Variants in SGPP2 observed in about 807,000 individuals in gnomAD.
The protein encoded by SGPP2 is sphingosine 1-phosphate phosphohydrolase 2.
In SGPP2, 30 loss-of-function variants were observed where a neutral mutation model predicts 33.9. The ratio of observed to expected loss-of-function variants is 0.89; its 90% CI spans 0.66 to 1.20. The LOEUF (loss-of-function observed/expected upper bound fraction) is 1.20. Ranked by LOEUF, SGPP2 falls within the 50% of genes most tolerant of loss-of-function variation. The probability of loss-of-function intolerance (pLI) is 0.00; values close to 1 mark genes in which losing one functional copy is unlikely to be tolerated. For synonymous variants in SGPP2, 233 were observed against 225.0 expected (o/e 1.04, Z -0.32); for missense variants, 458 against 532.1 (o/e 0.86, Z 1.37).
At chr2:222,467,984 A>AAAAAAAAAAAAAAAAAAAAAT (rs1697776166) in intron 1 of SGPP2, among the ~76,000 whole-genome samples, 1 of 139,762 alleles carries the variant, frequency 7.2e-6, no homozygotes, top group Non-Finnish European at 1.5e-5. Context: ...AAAAAAAAAA[A>AAAAAAAAAAAAAAAAAAAAAT]AAAACAGAGG....
intron 2 of SGPP2, among the ~76,000 whole-genome samples, chr2:222,513,044 ACTGC>A (rs944526636): frequency 3.8e-4 from 58 of 152,320 alleles, no homozygotes; most frequent in African/African-American, 1.0e-3. Flanking sequence ...GTTATAAGAA[ACTGC>A]CATACCATCT....
At chr2:222,446,650 T>G (rs1010074974) in intron 1 of SGPP2, among the ~76,000 whole-genome samples, 2 of 152,256 alleles carry the variant, frequency 1.3e-5, no homozygotes, top group African/African-American at 4.8e-5. Flanking sequence ...TTATTCATCA[T>G]GATTTATCTC....
intron 2 of SGPP2, among the ~76,000 whole-genome samples, chr2:222,486,848 T>G (rs1474016933): frequency 6.6e-6 from 1 of 152,232 alleles, no homozygotes; most frequent in African/African-American, 2.4e-5. Context: ...GGCTTTTTTT[T>G]GTCTGTATTA....
chr2:222,541,923 T>C (rs892008394), intron 4 of SGPP2, among the ~76,000 whole-genome samples: 5 of 152,306 alleles, frequency 3.3e-5, no homozygotes, highest in Non-Finnish European at 5.9e-5. Context: ...TTTAAAACTT[T>C]ATAAATTTTT....
chr2:222,425,036 A>G (rs768376395), intron 1 of SGPP2, among the ~76,000 whole-genome samples: 1 of 152,214 alleles, frequency 6.6e-6, no homozygotes, highest in Non-Finnish European at 1.5e-5. Flanking sequence ...GTCTATTGAG[A>G]TATCCCCAGA....
At chr2:222,480,017 G>A (rs376655780) in intron 2 of SGPP2, among the ~76,000 whole-genome samples, 1 of 152,108 alleles carries the variant, frequency 6.6e-6, no homozygotes, top group African/African-American at 2.4e-5. Context: ...GACAGCAAAT[G>A]GATTTTCTGA....
intron 1 of SGPP2, chr2:222,452,541 G>T: frequency 9.4e-7 from 1 of 1,065,668 alleles, no homozygotes; most frequent in Non-Finnish European, 1.5e-6. Flanking sequence ...AGGAGAATTT[G>T]GCTGGAACTA....
intron 1 of SGPP2, among the ~76,000 whole-genome samples, chr2:222,472,795 A>T (rs1424705363): frequency 1.3e-5 from 2 of 152,218 alleles, no homozygotes; most frequent in African/African-American, 4.8e-5. Flanking sequence ...CAGGCAGATT[A>T]CCTGAAGTCA....
chr2:222,505,019 C>G (rs960109372), intron 2 of SGPP2, among the ~76,000 whole-genome samples: 6 of 152,158 alleles, frequency 3.9e-5, no homozygotes, highest in Admixed American at 3.3e-4. Flanking sequence ...CCATTTGGTT[C>G]CTGAATTTCA....
At chr2:222,506,537 CTT>C (rs1559164135) in intron 2 of SGPP2, among the ~76,000 whole-genome samples, 1 of 152,076 alleles carries the variant, frequency 6.6e-6, no homozygotes, top group African/African-American at 2.4e-5. Flanking sequence ...TTCTTAATAA[CTT>C]TTTTAGCTTA....
chr2:222,500,684 A>G (rs968722550), intron 2 of SGPP2, among the ~76,000 whole-genome samples: 1 of 152,172 alleles, frequency 6.6e-6, no homozygotes, highest in Non-Finnish European at 1.5e-5. Context: ...CTCACTGAAA[A>G]CTGGCATTGT....
At chr2:222,520,006 T>A (rs1340569072) in intron 2 of SGPP2, among the ~76,000 whole-genome samples, 1 of 152,220 alleles carries the variant, frequency 6.6e-6, no homozygotes, top group Non-Finnish European at 1.5e-5. Flanking sequence ...GGTAGAATGA[T>A]CTATTTTCCT....
At chr2:222,450,849 A>T (rs1697474964) in intron 1 of SGPP2, among the ~76,000 whole-genome samples, 1 of 152,084 alleles carries the variant, frequency 6.6e-6, no homozygotes, top group East Asian at 1.9e-4. Flanking sequence ...GCATCCTAGA[A>T]CTCGAACTCT....
intron 1 of SGPP2, among the ~76,000 whole-genome samples, chr2:222,444,842 T>C (rs778374119): frequency 1.9e-4 from 29 of 152,188 alleles, no homozygotes; most frequent in Non-Finnish European, 4.0e-4. Context: ...TTGGAGTTTT[T>C]TTTATTAGAG....
chr2:222,433,052 A>AAAGC (rs1292418546), intron 1 of SGPP2, among the ~76,000 whole-genome samples: 1 of 130,490 alleles, frequency 7.7e-6, no homozygotes, highest in Non-Finnish European at 1.6e-5. Context: ...AGAAAGAAAG[A>AAAGC]GAGAGAAAGA....
chr2:222,429,734 A>T (rs373675575), intron 1 of SGPP2, among the ~76,000 whole-genome samples: 4 of 152,308 alleles, frequency 2.6e-5, no homozygotes, highest in East Asian at 3.9e-4. Context: ...CCTGTCTTTG[A>T]TTATCTTCCA....
At chr2:222,517,661 C>T (rs1698625359) in intron 2 of SGPP2, among the ~76,000 whole-genome samples, 1 of 152,198 alleles carries the variant, frequency 6.6e-6, no homozygotes. Flanking sequence ...TGTAGCATGC[C>T]CACTGGGGCT....
chr2:222,541,770 T>C (rs550431021), intron 4 of SGPP2, among the ~76,000 whole-genome samples: 10 of 152,070 alleles, frequency 6.6e-5, no homozygotes, highest in Admixed American at 6.5e-4. Context: ...TGTACCACCA[T>C]GCCCAGCTAA....
chr2:222,509,383 T>G (rs537176563), intron 2 of SGPP2, among the ~76,000 whole-genome samples: 7 of 152,320 alleles, frequency 4.6e-5, no homozygotes, highest in Admixed American at 4.6e-4. Flanking sequence ...GTATAATTGT[T>G]ATGACATATA....
Sources: allele counts gnomAD v4.1 joint callset (sites outside exome capture counted in the v4.1 genomes callset), GRCh38; gene constraint gnomAD v4.1.1; transcripts MANE v1.5; gene names NCBI Gene and HGNC (gene_info 2026-07-23, HGNC 2026-07-21).